SYT2: variants seen among roughly 807,000 people sequenced by gnomAD.
SYT2 encodes synaptotagmin-2.
Under a neutral mutation model 39.9 loss-of-function variants are expected in SYT2, and 15 were observed. That is an observed-to-expected ratio of 0.38 (90% CI 0.25 to 0.58). SYT2 has a LOEUF of 0.58. Ranked by LOEUF, SYT2 falls within the 20% of genes least tolerant of loss-of-function variation. The pLI, the probability that SYT2 is intolerant of heterozygous loss-of-function variation, is 0.70. For synonymous variants in SYT2, 181 were observed against 204.5 expected, an observed-to-expected ratio of 0.89 and a Z score of 0.98; for missense variants, 389 against 530.3, an observed-to-expected ratio of 0.73 and a Z score of 2.62.
intron 1 of SYT2, among the ~76,000 whole-genome samples, chr1:202,688,745 C>A (rs1653737638): frequency 6.6e-6 from 1 of 152,164 alleles, no homozygotes; most frequent in South Asian, 2.1e-4. Context: ...GTGGAAGGAG[C>A]TTGTGAAATG....
In SYT2 at chr1:202,599,154, C is replaced by A; in HGVS notation, c.1053+64G>T. On this transcript the variant is annotated intron_variant, in intron 8 of 8. Transcript: ENST00000367268. The surrounding 1 kb of genome is among the most constrained non-coding windows in gnomAD (Gnocchi z 4.4). Reference sequence around the variant, plus strand: ...CTCTAGGTGAGTTCCCTCTCTTCAACCTCCCCATACATGTTTGCCTCCCCA... The same window carrying A: ...CTCTAGGTGAGTTCCCTCTCTTCAAACTCCCCATACATGTTTGCCTCCCCA... 6.3e-7 allele frequency: 1 copy of A among 1,590,194 alleles called. No homozygotes were observed. Among genetic ancestry groups the A allele is most frequent in the Non-Finnish European group, 8.5e-7 (1 of 1,172,122 alleles).
At chr1:202,651,067 C>T (rs2149102025) in intron 1 of SYT2, among the ~76,000 whole-genome samples, 1 of 152,176 alleles carries the variant, frequency 6.6e-6, no homozygotes, top group Non-Finnish European at 1.5e-5. Context: ...GGCTTCTGCC[C>T]ACACAGGCAA....
At chr1:202,660,724 C>T (rs1467241196) in intron 1 of SYT2, among the ~76,000 whole-genome samples, 1 of 152,106 alleles carries the variant, frequency 6.6e-6, no homozygotes. Context: ...CTCAAGCAAT[C>T]CTCCCACTTC....
At chr1:202,606,658 C>T (rs1690719190) in intron 1 of SYT2, among the ~76,000 whole-genome samples, 2 of 152,296 alleles carry the variant, frequency 1.3e-5, no homozygotes, top group African/African-American at 2.4e-5. Context: ...TCTGTGGCCC[C>T]TACTCCAGGT....
chr1:202,602,116 C>T, intron 5 of SYT2, 59 bp from the exon 6 acceptor site: 1 of 1,560,576 alleles, frequency 6.4e-7, no homozygotes, highest in Non-Finnish European at 8.7e-7. Context: ...TCCAGGGGTG[C>T]TATGGGCAGG....
At chr1:202,694,995 C>A (rs950549371) in intron 1 of SYT2, among the ~76,000 whole-genome samples, 1 of 152,102 alleles carries the variant, frequency 6.6e-6, no homozygotes, top group Non-Finnish European at 1.5e-5. Flanking sequence ...GGTCTCACCC[C>A]CTGCTTGGTC....
chr1:202,655,343 C>A (rs1388624511), intron 1 of SYT2, among the ~76,000 whole-genome samples: 1 of 152,110 alleles, frequency 6.6e-6, no homozygotes, highest in Non-Finnish European at 1.5e-5. Flanking sequence ...TTGAAACATA[C>A]CTCATTTTTA....
intron 1 of SYT2, among the ~76,000 whole-genome samples, chr1:202,653,675 T>C (rs1692230542): frequency 6.6e-6 from 1 of 152,230 alleles, no homozygotes. Context: ...AAACAGAGAC[T>C]GGGCGCTGGA....
chr1:202,637,822 C>T (rs1010683923), intron 1 of SYT2, among the ~76,000 whole-genome samples: 2 of 152,246 alleles, frequency 1.3e-5, no homozygotes, highest in African/African-American at 4.8e-5. Context: ...CCAAGGACTG[C>T]CGGCCCTGAT....
At chr1:202,651,370 G>A (rs1418648108) in intron 1 of SYT2, among the ~76,000 whole-genome samples, 1 of 150,876 alleles carries the variant, frequency 6.6e-6, no homozygotes, top group Non-Finnish European at 1.5e-5. Flanking sequence ...GTGGGTGGGA[G>A]TGGGGAGTTC....
intron 1 of SYT2, among the ~76,000 whole-genome samples, chr1:202,671,346 C>T (rs1354479387): frequency 6.6e-6 from 1 of 152,220 alleles, no homozygotes; most frequent in African/African-American, 2.4e-5. Flanking sequence ...AGCACAGCAC[C>T]AGGGCAGCCA....
intron 1 of SYT2, among the ~76,000 whole-genome samples, chr1:202,705,777 A>G (rs138033063): frequency 6.7e-6 from 1 of 150,112 alleles, no homozygotes; most frequent in Non-Finnish European, 1.5e-5. Context: ...GTGAAGTGGC[A>G]TGACCATAGC....
At chr1:202,658,662 ATTTT>A (rs140278190) in intron 1 of SYT2, among the ~76,000 whole-genome samples, 12 of 137,050 alleles carry the variant, frequency 8.8e-5, no homozygotes, top group African/African-American at 2.5e-4. Context: ...CAGTGGTCGG[ATTTT>A]TTTTATTAGT....
At chr1:202,639,888 T>G (rs950444078) in intron 1 of SYT2, 1 of 963,702 alleles carries the variant, frequency 1.0e-6, no homozygotes, top group East Asian at 1.2e-4. Context: ...GTATCCCTGC[T>G]CCTCCTGTAA....
At chr1:202,653,905 T>C (rs1692234184) in intron 1 of SYT2, among the ~76,000 whole-genome samples, 1 of 152,186 alleles carries the variant, frequency 6.6e-6, no homozygotes, top group Non-Finnish European at 1.5e-5. Flanking sequence ...GACTAAGTTA[T>C]CCTCTCTCTG....
chr1:202,635,816 A>G lies in SYT2; in HGVS notation c.-17-30027T>C, dbSNP rs142651092. Among the ~76,000 whole-genome samples, 465 of 152,304 alleles carry G rather than the reference A, an allele frequency of 3.1e-3. 4 individuals are homozygous for G. Among genetic ancestry groups the G allele is most frequent in the African/African-American group, 0.011 (444 of 41,548 alleles). ...CCATGAGGCCCTAACCTAACCATCA[A>G]TGCAATACTATGAGCAGATCAGGTT... On this transcript the variant is annotated intron_variant, in intron 1 of 8. Coordinates refer to ENST00000367268, the MANE Select transcript of SYT2 (RefSeq NM_177402.5).
In SYT2 at chr1:202,641,227, T is replaced by C. The variant is rs192705876; in HGVS notation, c.-17-35438A>G. 3.8e-3 allele frequency among the ~76,000 whole-genome samples: 581 copies of C among 152,286 alleles called. 2 individuals carry two copies. The highest frequency in any genetic ancestry group is 5.2e-3 in the Non-Finnish European group (353 of 68,022). On this transcript the variant is annotated intron_variant, in intron 1 of 8. Transcript: ENST00000367268. Reference sequence around the variant, plus strand: ...GCCTGGCTTTGAAATTCATATACAGTATTTGTCTCAATTTGTCTCGACTCT... The same window carrying C: ...GCCTGGCTTTGAAATTCATATACAGCATTTGTCTCAATTTGTCTCGACTCT...
Position 202,653,465 on chromosome 1 carries a change from G to A in SYT2, c.-17-47676C>T, listed in dbSNP as rs564728469. On this transcript the variant is annotated intron_variant, in intron 1 of 8. Transcript: ENST00000367268. Reference sequence around the variant, plus strand: ...AGGGGACTGGTCCCATACCTTGGCCGTTACCCCCACCCCCACCCAAAGCAT... The same window carrying A: ...AGGGGACTGGTCCCATACCTTGGCCATTACCCCCACCCCCACCCAAAGCAT... 8.5e-5 allele frequency among the ~76,000 whole-genome samples: 13 copies of A among 152,056 alleles called. No individual in the cohort carries two copies. The South Asian group carries it at 1.0e-3, about 12-fold the overall frequency.
At chr1:202,673,980 TTGTG>T (rs1210406091) in intron 1 of SYT2, among the ~76,000 whole-genome samples, 4 of 152,164 alleles carry the variant, frequency 2.6e-5, no homozygotes, top group African/African-American at 4.8e-5. Flanking sequence ...CATGTGATAT[TTGTG>T]TGTAATACAT....
Sources: allele counts gnomAD v4.1 joint callset (sites outside exome capture counted in the v4.1 genomes callset), GRCh38; gene constraint gnomAD v4.1.1; non-coding constraint Gnocchi (gnomAD v3.1); transcripts MANE v1.5; gene names NCBI Gene and HGNC (gene_info 2026-07-23, HGNC 2026-07-21).